CDH18: variants seen among roughly 807,000 people sequenced by gnomAD.
The protein encoded by CDH18 is cadherin-18.
Under a neutral mutation model 67.9 loss-of-function variants are expected in CDH18, and 31 were observed. The ratio of observed to expected loss-of-function variants is 0.46; its 90% CI spans 0.34 to 0.62. The LOEUF (loss-of-function observed/expected upper bound fraction) is 0.62, where lower values mean the gene tolerates loss of function less well. Ranked by LOEUF, CDH18 falls within the 20% of genes least tolerant of loss-of-function variation. The pLI is 0.01. For synonymous variants in CDH18, 362 were observed against 347.2 expected, an observed-to-expected ratio of 1.04 and a Z score of -0.48; for missense variants, 890 against 975.5, an observed-to-expected ratio of 0.91 and a Z score of 1.17.
chr5:19,994,788 G>A (rs1561696271), intron 2 of CDH18, among the ~76,000 whole-genome samples: 1 of 65,608 alleles, frequency 1.5e-5, no homozygotes, highest in African/African-American at 6.2e-5. Flanking sequence ...GAGAGAGAGA[G>A]AGAGATGTAC....
intron 2 of CDH18, among the ~76,000 whole-genome samples, chr5:20,181,998 T>G (rs1453625857): frequency 6.6e-6 from 1 of 152,128 alleles, no homozygotes; most frequent in African/African-American, 2.4e-5. Flanking sequence ...AAATTGCTGT[T>G]AGGCCTGTGA....
intron 2 of CDH18, among the ~76,000 whole-genome samples, chr5:20,247,523 T>C (rs535758328): frequency 3.3e-5 from 5 of 152,142 alleles, no homozygotes; most frequent in African/African-American, 9.6e-5. Flanking sequence ...TCCCAGCACT[T>C]TGGAGGGCGA....
At chr5:20,370,098 T>G (rs1248624846) in intron 1 of CDH18, among the ~76,000 whole-genome samples, 1 of 152,134 alleles carries the variant, frequency 6.6e-6, no homozygotes, top group East Asian at 1.9e-4. Flanking sequence ...TACTACCATC[T>G]CTTTTAAAAA....
chr5:19,595,847 T>A (rs1746081997), intron 6 of CDH18, among the ~76,000 whole-genome samples: 1 of 152,346 alleles, frequency 6.6e-6, no homozygotes, highest in South Asian at 2.1e-4. Context: ...CTAACTAAAC[T>A]AAATGTCCGA....
chr5:19,510,689 C>T (rs1744967434), intron 10 of CDH18, among the ~76,000 whole-genome samples: 1 of 151,976 alleles, frequency 6.6e-6, no homozygotes, highest in South Asian at 2.1e-4. Context: ...ATTATAATCC[C>T]CATAATCCCC....
At chr5:20,516,814 A>C (rs1260222613) in intron 1 of CDH18, among the ~76,000 whole-genome samples, 2 of 151,850 alleles carry the variant, frequency 1.3e-5, no homozygotes, top group Non-Finnish European at 2.9e-5. Context: ...AGGACTTCTT[A>C]ACTTTGGAGA....
chr5:19,561,573 G>C (rs1739459741), intron 8 of CDH18, among the ~76,000 whole-genome samples: 1 of 151,836 alleles, frequency 6.6e-6, no homozygotes, highest in Non-Finnish European at 1.5e-5. Context: ...TCAGGTGATG[G>C]GTGCACCAAA....
chr5:19,593,790 T>A (rs1745727650), intron 6 of CDH18, among the ~76,000 whole-genome samples: 1 of 147,176 alleles, frequency 6.8e-6, no homozygotes, highest in Non-Finnish European at 1.5e-5. Context: ...GTAGGAGTTT[T>A]ATTTTGGAAA....
intron 2 of CDH18, among the ~76,000 whole-genome samples, chr5:19,840,288 G>GA (rs70954608): frequency 0.28 from 35,769 of 127,750 alleles, 5,602 homozygotes; most frequent in South Asian, 0.37. Flanking sequence ...AAAAAAAAAA[G>GA]AAAAAAAAAA....
intron 2 of CDH18, among the ~76,000 whole-genome samples, chr5:19,910,277 T>C (rs1790987046): frequency 6.6e-6 from 1 of 152,100 alleles, no homozygotes; most frequent in African/African-American, 2.4e-5. Context: ...AACACCACAA[T>C]CATTCTTCTA....
At chr5:20,469,098 A>T (rs763131102) in intron 1 of CDH18, among the ~76,000 whole-genome samples, 1 of 152,194 alleles carries the variant, frequency 6.6e-6, no homozygotes, top group Non-Finnish European at 1.5e-5. Flanking sequence ...GCAAGTGCCA[A>T]ACAGTAATCA....
At chr5:20,462,732 T>C (rs578159267) in intron 1 of CDH18, among the ~76,000 whole-genome samples, 1 of 152,290 alleles carries the variant, frequency 6.6e-6, no homozygotes, top group South Asian at 2.1e-4. Context: ...AATAATCTTA[T>C]GCAGTCCACA....
intron 2 of CDH18, among the ~76,000 whole-genome samples, chr5:19,930,698 G>A (rs1793594222): frequency 2.0e-5 from 3 of 151,998 alleles, no homozygotes; most frequent in Admixed American, 2.0e-4. Context: ...GTGCTGTCAA[G>A]GAAACAGCTG....
chr5:19,835,035 G>T (rs533746887), intron 3 of CDH18, among the ~76,000 whole-genome samples: 1 of 151,986 alleles, frequency 6.6e-6, no homozygotes, highest in Non-Finnish European at 1.5e-5. Flanking sequence ...ATACCCAAAG[G>T]ACTATAAATC....
chr5:20,470,576 T>A (rs1008307686), intron 1 of CDH18, among the ~76,000 whole-genome samples: 2 of 152,162 alleles, frequency 1.3e-5, no homozygotes, highest in African/African-American at 2.4e-5. Flanking sequence ...CCCCGTTACC[T>A]GCCCTCACAT....
chr5:20,487,286 C>T (rs1753256529), intron 1 of CDH18, among the ~76,000 whole-genome samples: 1 of 151,622 alleles, frequency 6.6e-6, no homozygotes. Context: ...TGAATCCCCA[C>T]TCATCTAAAA....
chr5:20,180,396 T>C (rs566431752), intron 2 of CDH18, among the ~76,000 whole-genome samples: 2 of 152,274 alleles, frequency 1.3e-5, no homozygotes, highest in Admixed American at 6.5e-5. Context: ...TATGGATTGT[T>C]TGTAACCAGC....
At chr5:20,373,339 A>C (rs2150087814) in intron 1 of CDH18, among the ~76,000 whole-genome samples, 1 of 152,250 alleles carries the variant, frequency 6.6e-6, no homozygotes, top group East Asian at 1.9e-4. Context: ...TTTCTACCCC[A>C]GGGCCTTTGC....
At chr5:19,641,863 C>T (rs1016084431) in intron 5 of CDH18, among the ~76,000 whole-genome samples, 1 of 151,742 alleles carries the variant, frequency 6.6e-6, no homozygotes, top group African/African-American at 2.4e-5. Context: ...ATAAAAGGTA[C>T]CCAAATTGGA....
Sources: allele counts gnomAD v4.1 joint callset (sites outside exome capture counted in the v4.1 genomes callset), GRCh38; gene constraint gnomAD v4.1.1; transcripts MANE v1.5; gene names NCBI Gene and HGNC (gene_info 2026-07-23, HGNC 2026-07-21).